Variants in CTNNA2 observed in about 807,000 individuals in gnomAD.
CTNNA2 encodes catenin alpha-2.
Under a neutral mutation model 101.0 loss-of-function variants are expected in CTNNA2, and 42 were observed. The ratio of observed to expected loss-of-function variants is 0.42; its 90% CI spans 0.32 to 0.54. The LOEUF (loss-of-function observed/expected upper bound fraction) is 0.54. Among genes scored for constraint, CTNNA2 ranks in the 20% least tolerant of loss-of-function variants. CTNNA2 has a pLI of 0.14. For missense variants in CTNNA2, 871 were observed against 1,223.1 expected, an observed-to-expected ratio of 0.71 and a Z score of 4.29; for synonymous variants, 450 against 456.4, an observed-to-expected ratio of 0.99 and a Z score of 0.18.
At chr2:79,793,353 A>G (rs1262092253) in intron 3 of CTNNA2, among the ~76,000 whole-genome samples, 1 of 152,224 alleles carries the variant, frequency 6.6e-6, no homozygotes, top group African/African-American at 2.4e-5. Flanking sequence ...GGGGTGAGAC[A>G]GAGCGACTCA....
In CTNNA2 at chr2:79,260,593, T is replaced by C. The variant is rs143210111; in HGVS notation, c.-405-52116T>C. Among the ~76,000 whole-genome samples the C allele has an allele frequency of 1.4e-3, 208 of 152,350 alleles. 1 individual carries two copies. The highest frequency in any genetic ancestry group is 3.1e-4 in the Non-Finnish European group (21 of 68,030). ...GTGTTGTAAAAGCATTTTTAAACTT[T>C]TTTTTAACTGAACATTACATTCGTT... On this transcript the variant is annotated intron_variant, in intron 2 of 21. Coordinates refer to the CTNNA2 transcript ENST00000466387.
chr2:79,192,044 A>AT (rs1007398796), intron 1 of CTNNA2, among the ~76,000 whole-genome samples: 2 of 151,936 alleles, frequency 1.3e-5, no homozygotes, highest in Admixed American at 6.6e-5. Context: ...GTGCGAAGCT[A>AT]TTGGTTGAAG....
chr2:80,005,036 C>T (rs1219124823), intron 7 of CTNNA2, among the ~76,000 whole-genome samples: 2 of 152,162 alleles, frequency 1.3e-5, no homozygotes, highest in Non-Finnish European at 2.9e-5. Context: ...ACAGGAAACT[C>T]TGCTCTTTAT....
intron 7 of CTNNA2, among the ~76,000 whole-genome samples, chr2:80,122,118 T>C (rs1277503295): frequency 6.6e-6 from 1 of 152,178 alleles, no homozygotes; most frequent in Non-Finnish European, 1.5e-5. Context: ...CTCACCTTTT[T>C]TTCTGTAAGG....
At chr2:80,187,349 G>A (rs578078171) in intron 7 of CTNNA2, among the ~76,000 whole-genome samples, 16 of 152,250 alleles carry the variant, frequency 1.1e-4, no homozygotes, top group African/African-American at 3.6e-4. Context: ...GAAAGATATG[G>A]TGATGAAAAA....
At chr2:80,225,118 A>G (rs1352549946) in intron 7 of CTNNA2, among the ~76,000 whole-genome samples, 1 of 152,138 alleles carries the variant, frequency 6.6e-6, no homozygotes, top group South Asian at 2.1e-4. Context: ...CACCAGTGCC[A>G]TGGAGGTCAG....
At chr2:79,415,983 G>C (rs909840494) in intron 4 of CTNNA2, among the ~76,000 whole-genome samples, 2 of 137,094 alleles carry the variant, frequency 1.5e-5, no homozygotes, top group African/African-American at 5.4e-5. Context: ...TATTTTATCA[G>C]CAAGAATTAT....
At chr2:79,316,546 A>G (rs1416496918) in intron 3 of CTNNA2, among the ~76,000 whole-genome samples, 1 of 152,054 alleles carries the variant, frequency 6.6e-6, no homozygotes, top group East Asian at 1.9e-4. Context: ...TTCAATCCAT[A>G]AGCACAGGCT....
intron 12 of CTNNA2, among the ~76,000 whole-genome samples, chr2:80,572,230 C>T (rs1694662621): frequency 6.6e-6 from 1 of 152,106 alleles, no homozygotes; most frequent in African/African-American, 2.4e-5. Context: ...TCATTGTTTG[C>T]ATTATTTCTC....
At chr2:80,517,934 T>C (rs558754928) in intron 9 of CTNNA2, among the ~76,000 whole-genome samples, 477 of 152,276 alleles carry the variant, frequency 3.1e-3, no homozygotes, top group Middle Eastern at 0.014. Context: ...TAACCAGATA[T>C]TTGCCAGAAT....
At chr2:79,281,835 G>C (rs546108487) in intron 2 of CTNNA2, among the ~76,000 whole-genome samples, 5 of 152,174 alleles carry the variant, frequency 3.3e-5, no homozygotes, top group Admixed American at 3.3e-4. Context: ...TTATGGCATA[G>C]ATTCCAGGAG....
chr2:79,587,345 G>A (rs1676562403), intron 1 of CTNNA2, among the ~76,000 whole-genome samples: 1 of 152,010 alleles, frequency 6.6e-6, no homozygotes. Context: ...AATGAGATGA[G>A]GAAGCTGAGG....
rs1390966310 is a variant in CTNNA2, at chr2:80,292,505, C to A, written c.1057-100706C>A. The stretch of plus-strand genomic sequence containing the variant: ...GGAGGGATGAAGGCTTTTTGCAGGG[C>A]TTAAATGAGAAAATCTTAAGGATTT... On this transcript the variant is annotated intron_variant, in intron 7 of 18. Transcript: ENST00000402739. Among the ~76,000 whole-genome samples, 6 of 152,086 alleles carry A rather than the reference C, an allele frequency of 3.9e-5. No homozygotes were observed. The East Asian group carries it at 9.6e-4, about 24-fold the overall frequency.
intron 7 of CTNNA2, among the ~76,000 whole-genome samples, chr2:79,926,803 T>A (rs557208419): frequency 6.6e-6 from 1 of 151,826 alleles, no homozygotes; most frequent in Non-Finnish European, 1.5e-5. Flanking sequence ...CAGTATTAAA[T>A]AATATGCAAT....
chr2:79,189,496 G>T (rs1341579880), intron 1 of CTNNA2, among the ~76,000 whole-genome samples: 2 of 152,152 alleles, frequency 1.3e-5, no homozygotes, highest in African/African-American at 4.8e-5. Flanking sequence ...TACTTGACAA[G>T]ATAAGGAAAC....
chr2:79,270,023 C>G (rs531152184), intron 2 of CTNNA2, among the ~76,000 whole-genome samples: 52 of 152,174 alleles, frequency 3.4e-4, no homozygotes, highest in Non-Finnish European at 5.7e-4. Flanking sequence ...CTTGCTCTCC[C>G]CACTTATTGT....
At chr2:80,078,332 G>GA in intron 7 of CTNNA2, among the ~76,000 whole-genome samples, 1 of 152,226 alleles carries the variant, frequency 6.6e-6, no homozygotes, top group African/African-American at 2.4e-5. Context: ...ATTTAACTGG[G>GA]AGGACCAGTG....
At chr2:79,449,558 A>G (rs985264556) in intron 4 of CTNNA2, among the ~76,000 whole-genome samples, 5 of 152,096 alleles carry the variant, frequency 3.3e-5, no homozygotes, top group African/African-American at 1.2e-4. Flanking sequence ...GTTAAAAAAT[A>G]AAAGAAGTAC....
At chr2:80,619,629 A>G (rs959690413) in intron 18 of CTNNA2, among the ~76,000 whole-genome samples, 6 of 151,896 alleles carry the variant, frequency 4.0e-5, no homozygotes, top group Non-Finnish European at 8.8e-5. Flanking sequence ...CATGTTTGCC[A>G]TGAGAATCAG....
Sources: allele counts gnomAD v4.1 joint callset (sites outside exome capture counted in the v4.1 genomes callset), GRCh38; gene constraint gnomAD v4.1.1; transcripts MANE v1.5; gene names NCBI Gene and HGNC (gene_info 2026-07-23, HGNC 2026-07-21).